The following UBE3B variants were observed in gnomAD, a reference collection of about 807,000 sequenced individuals.
UBE3B encodes the protein ubiquitin-protein ligase E3B.
UBE3B carries 80 observed loss-of-function variants against 132.3 expected under a neutral mutation model. The observed-to-expected ratio is 0.60, with a 90% confidence interval of 0.50 to 0.73. The LOEUF (loss-of-function observed/expected upper bound fraction) is 0.73. Ranked by LOEUF, UBE3B falls within the 30% of genes least tolerant of loss-of-function variation. UBE3B has a pLI of 0.00. For synonymous variants in UBE3B, 487 were observed against 520.4 expected (o/e 0.94, Z 0.87); for missense variants, 1,196 against 1,362.5 (o/e 0.88, Z 1.92).
At position 109,483,918 on chromosome 12, in the gene UBE3B, A is replaced by G. The variant is rs113987841; in HGVS notation, c.219A>G (p.Ala73=). Residue 73 remains alanine (A), a synonymous_variant, in exon 4 of 28, where the codon GCA becomes GCG. Coordinates refer to ENST00000342494, the MANE Select transcript of UBE3B (RefSeq NM_130466.4). ...ADDPESTKRS[A]LCIFKIARKL... ...ACCCTGAGTCCACTAAAAGAAGTGC[A>G]CTTTGTATTTTCAAGATTGCCAGGA... The G allele has an allele frequency of 6.2e-7, 1 of 1,613,978 alleles. No homozygotes were observed. Among genetic ancestry groups the G allele is most frequent in the African/African-American group, 1.3e-5 (1 of 74,918 alleles).
intron 24 of UBE3B, among the ~76,000 whole-genome samples, chr12:109,529,389 G>A (rs1353090334): frequency 2.0e-5 from 3 of 152,156 alleles, no homozygotes; most frequent in South Asian, 2.1e-4. Flanking sequence ...CTGCAGGTCC[G>A]CCTTGCCATA....
chr12:109,485,652 A>G (rs1329386372), intron 4 of UBE3B, among the ~76,000 whole-genome samples: 1 of 152,242 alleles, frequency 6.6e-6, no homozygotes, highest in Non-Finnish European at 1.5e-5. Context: ...GTGCTTAAGA[A>G]AAGGTAAACT....
chr12:109,512,227 C>A (rs930695511), intron 18 of UBE3B, among the ~76,000 whole-genome samples: 3 of 152,124 alleles, frequency 2.0e-5, no homozygotes, highest in Admixed American at 6.6e-5. Context: ...AGACAGCACC[C>A]AAGTCTGCTG....
intron 1 of UBE3B, among the ~76,000 whole-genome samples, chr12:109,479,703 G>A (rs1021753427): frequency 1.3e-5 from 2 of 152,208 alleles, no homozygotes; most frequent in African/African-American, 4.8e-5. Context: ...TAAAGTGTAG[G>A]CTATTATATG....
intron 26 of UBE3B, among the ~76,000 whole-genome samples, chr12:109,531,183 T>C (rs1404535318): frequency 6.6e-6 from 1 of 152,114 alleles, no homozygotes; most frequent in Non-Finnish European, 1.5e-5. Flanking sequence ...ACACACACAA[T>C]TGCTTAGGCT....
intron 6 of UBE3B, among the ~76,000 whole-genome samples, chr12:109,486,948 T>C (rs1249567195): frequency 1.3e-5 from 2 of 152,180 alleles, no homozygotes; most frequent in South Asian, 2.1e-4. Context: ...GAAGAGAACG[T>C]TGTGCTCTAG....
At position 109,521,545 on chromosome 12, in the gene UBE3B, G is replaced by C. The variant is rs761146816; in HGVS notation, c.2358G>C (p.Val786=). Residue 786 remains valine (V), a synonymous_variant, in exon 21 of 28, where the codon GTG becomes GTC. Transcript: ENST00000342494. The surrounding 1 kb of genome is among the most constrained non-coding windows in gnomAD (Gnocchi z 4.2). The stretch of plus-strand genomic sequence containing the variant: ...TGGGGAAGATGCTGGGGAAGGCTGT[G>C]TATGAGGTAGGAACGTTAAGAAACA... ...EFVGKMLGKA[V]YEGIVVDVPF... is the part of the protein sequence containing the mutation. 10 of 1,577,944 alleles carry C rather than the reference G, an allele frequency of 6.3e-6. No homozygotes were observed. In the East Asian group the frequency reaches 2.0e-4, roughly 32 times the overall value.
chr12:109,524,549 G>T, intron 23 of UBE3B, 46 bp downstream of exon 23: 1 of 1,599,190 alleles, frequency 6.3e-7, no homozygotes, highest in Non-Finnish European at 8.6e-7. Context: ...GCCCCCATGG[G>T]CTCCTGAGAC....
Position 109,483,790 on chromosome 12 carries a change from G to A in UBE3B, c.162-71G>A, listed in dbSNP as rs561861822. The A allele has an allele frequency of 3.1e-5, 49 of 1,588,588 alleles. No individual in the cohort carries two copies. The Middle Eastern group carries it at 6.7e-4, about 22-fold the overall frequency. On this transcript the variant is annotated intron_variant, in intron 3 of 27. Coordinates refer to ENST00000342494, the MANE Select transcript of UBE3B (RefSeq NM_130466.4). The stretch of plus-strand genomic sequence containing the variant: ...AGATAAATGAGTTTTTTCTCATAAA[G>A]TGCTTGAAAAGCCTTCCAGGTGCTA...
intron 24 of UBE3B, 151 bp from the exon 25 acceptor site, chr12:109,529,739 C>T (rs1279852175): frequency 8.0e-6 from 7 of 870,176 alleles, no homozygotes; most frequent in Admixed American, 2.3e-5. Context: ...TCGTCATTGT[C>T]GCCATTGTCA....
chr12:109,507,919 G>A (rs1263640732), intron 15 of UBE3B, among the ~76,000 whole-genome samples, 184 bp downstream of exon 15: 1 of 152,196 alleles, frequency 6.6e-6, no homozygotes, highest in Non-Finnish European at 1.5e-5. Context: ...CAGTTGTTAG[G>A]GTGGGGCCTG....
chr12:109,489,813 A>C, intron 7 of UBE3B, 106 bp from the exon 8 acceptor site: 173 of 959,454 alleles, frequency 1.8e-4, no homozygotes, highest in Non-Finnish European at 2.6e-4. Flanking sequence ...GCCAGGGGGT[A>C]TCTCATTTCT....
At chr12:109,507,438 C>G in intron 14 of UBE3B, 126 bp from the exon 15 acceptor site, 4 of 1,054,860 alleles carry the variant, frequency 3.8e-6, no homozygotes, top group Non-Finnish European at 5.5e-6. Context: ...ATAATCCCAC[C>G]TTCTTTTCAC....
At chr12:109,500,671 C>T (rs893485231) in intron 12 of UBE3B, among the ~76,000 whole-genome samples, 14 of 152,280 alleles carry the variant, frequency 9.2e-5, no homozygotes, top group Middle Eastern at 6.8e-3. Context: ...GCCTGCTCTC[C>T]GCTCCACTTC....
rs1255351755 is a variant in UBE3B, at chr12:109,516,757, C to T, written c.1957-8C>T. 3 of 1,610,326 alleles carry T rather than the reference C, an allele frequency of 1.9e-6. No homozygotes were observed. In the Admixed American group the frequency reaches 5.0e-5, roughly 27 times the overall value. ...CCTGTTTTCTGATCCCGCCTTTGTT[C>T]ATTTTAGAGAGTTCTACTGTTTCGA... On this transcript the variant is annotated splice_region_variant and splice_polypyrimidine_tract_variant and intron_variant, in intron 18 of 27. Transcript: ENST00000342494.
chr12:109,508,005 G>T (rs1879901972), intron 15 of UBE3B, among the ~76,000 whole-genome samples: 1 of 152,206 alleles, frequency 6.6e-6, no homozygotes, highest in African/African-American at 2.4e-5. Flanking sequence ...CTGGAGATGG[G>T]TTTAGATCAT....
chr12:109,504,023 T>C (rs1879338378), intron 14 of UBE3B, among the ~76,000 whole-genome samples: 1 of 152,184 alleles, frequency 6.6e-6, no homozygotes, highest in African/African-American at 2.4e-5. Context: ...CTCAAGGGGA[T>C]TGTATTCTAG....
chr12:109,515,391 C>A (rs1478444722), intron 18 of UBE3B, among the ~76,000 whole-genome samples: 1 of 151,708 alleles, frequency 6.6e-6, no homozygotes, highest in Non-Finnish European at 1.5e-5. Context: ...TGTTTTGAGA[C>A]AGAGTTTCAC....
Position 109,521,394 on chromosome 12 carries a change from T to A in UBE3B, c.2254-47T>A. 6.3e-7 allele frequency: 1 copy of A among 1,595,356 alleles called. No individual in the cohort carries two copies. Among genetic ancestry groups the A allele is most frequent in the Non-Finnish European group, 8.6e-7 (1 of 1,166,058 alleles). On this transcript the variant is annotated intron_variant, in intron 20 of 27. Transcript: ENST00000342494. This position sits in a 1 kb window ranked among gnomAD's most constrained non-coding sequence, Gnocchi z 4.2. Reference sequence around the variant, plus strand: ...AGAAGTGAAGAGCTGGGCTTGCTCCTTGCAAGGCACTTGACCTCTGCCTCT... The same window carrying A: ...AGAAGTGAAGAGCTGGGCTTGCTCCATGCAAGGCACTTGACCTCTGCCTCT...
Sources: gnomAD v4.1 joint callset for allele counts (sites outside exome capture counted in the v4.1 genomes callset) on GRCh38, gnomAD v4.1.1 for gene constraint, Gnocchi (gnomAD v3.1) non-coding constraint, MANE v1.5 for transcripts, NCBI Gene and HGNC (gene_info 2026-07-23, HGNC 2026-07-21) for gene names.